GRID2: variants seen among roughly 807,000 people sequenced by gnomAD.
GRID2 encodes glutamate receptor ionotropic, delta-2.
GRID2 carries 33 observed loss-of-function variants against 114.8 expected under a neutral mutation model. That is an observed-to-expected ratio of 0.29 (90% CI 0.22 to 0.38). The LOEUF is 0.38. Ranked by LOEUF, GRID2 falls within the 10% of genes least tolerant of loss-of-function variation. GRID2 has a pLI of 1.00. For synonymous variants in GRID2, 505 were observed against 449.9 expected (o/e 1.12, Z -1.55); for missense variants, 1,184 against 1,257.7 (o/e 0.94, Z 0.89).
chr4:92,584,313 T>A (rs977220510), intron 1 of GRID2, among the ~76,000 whole-genome samples: 2 of 151,998 alleles, frequency 1.3e-5, no homozygotes, highest in African/African-American at 2.4e-5. Flanking sequence ...ATGTTATAAA[T>A]CTCTTGACTT....
chr4:92,892,945 A>T (rs910201023), intron 2 of GRID2, among the ~76,000 whole-genome samples: 1 of 152,248 alleles, frequency 6.6e-6, no homozygotes, highest in African/African-American at 2.4e-5. Flanking sequence ...CATTACAGCA[A>T]ACATGAAATA....
At chr4:92,799,780 G>T (rs529559678) in intron 2 of GRID2, among the ~76,000 whole-genome samples, 2 of 151,992 alleles carry the variant, frequency 1.3e-5, no homozygotes, top group South Asian at 2.1e-4. Context: ...CATTTTAGGG[G>T]TTCACAATCC....
rs144407899 is a variant in GRID2 at position 93,756,965 on chromosome 4, A to G, written c.2361-12245A>G. On this transcript the variant is annotated intron_variant, in intron 14 of 15. Transcript: ENST00000282020. ...ATGCATCAAATATAAATAATAATTC[A>G]GAGTGAAAACAGAGACGTCTCAAGG... 9.5e-3 allele frequency among the ~76,000 whole-genome samples: 1,445 copies of G among 152,320 alleles called. 26 individuals are homozygous for G. Among genetic ancestry groups the G allele is most frequent in the African/African-American group, 0.032 (1,320 of 41,566 alleles).
chr4:92,737,817 T>C (rs1364823184), intron 2 of GRID2, among the ~76,000 whole-genome samples: 1 of 152,164 alleles, frequency 6.6e-6, no homozygotes, highest in Admixed American at 6.6e-5. Context: ...TGCATTTCAA[T>C]ATTTTTGGGG....
intron 1 of GRID2, among the ~76,000 whole-genome samples, chr4:92,360,270 G>A (rs376200591): frequency 1.3e-5 from 2 of 151,904 alleles, no homozygotes; most frequent in East Asian, 3.9e-4. Flanking sequence ...GGAGGTAACT[G>A]TGCCCTACCT....
chr4:93,178,720 C>T (rs780266573), intron 4 of GRID2, among the ~76,000 whole-genome samples: 22 of 151,934 alleles, frequency 1.4e-4, no homozygotes, highest in Non-Finnish European at 7.4e-5. Context: ...AATGTTTTCT[C>T]TTCTGTATGC....
chr4:93,797,798 G>T (rs998290904), intron 1 of GRID2, among the ~76,000 whole-genome samples: 1 of 138,842 alleles, frequency 7.2e-6, no homozygotes, highest in Admixed American at 7.8e-5. Context: ...AGACTTATTC[G>T]AAAGATATTA....
chr4:93,754,394 A>C (rs1414144541), intron 14 of GRID2, among the ~76,000 whole-genome samples: 5 of 152,196 alleles, frequency 3.3e-5, no homozygotes, highest in African/African-American at 9.7e-5. Flanking sequence ...TAAGAGTAAT[A>C]ATATCTACAA....
At chr4:93,091,338 C>T (rs376806930) in intron 3 of GRID2, among the ~76,000 whole-genome samples, 9 of 152,012 alleles carry the variant, frequency 5.9e-5, no homozygotes, top group East Asian at 5.8e-4. Flanking sequence ...AGACTTATTT[C>T]TAAGAATAAA....
At chr4:92,574,327 C>T (rs980664829) in intron 1 of GRID2, among the ~76,000 whole-genome samples, 1 of 150,968 alleles carries the variant, frequency 6.6e-6, no homozygotes, top group African/African-American at 2.4e-5. Context: ...TGTATTTGAT[C>T]CTGTCATCAT....
chr4:92,999,726 C>T (rs1442051300), intron 2 of GRID2, among the ~76,000 whole-genome samples: 2 of 150,550 alleles, frequency 1.3e-5, no homozygotes, highest in East Asian at 2.0e-4. Context: ...TTCTTTTGAC[C>T]GTTATATATT....
chr4:92,785,915 A>T (rs2149361276), intron 2 of GRID2, among the ~76,000 whole-genome samples: 1 of 152,000 alleles, frequency 6.6e-6, no homozygotes, highest in African/African-American at 2.4e-5. Flanking sequence ...TTGTTTTGAA[A>T]ATGACAGGGT....
At chr4:92,801,242 C>A (rs963715087) in intron 2 of GRID2, among the ~76,000 whole-genome samples, 1 of 151,942 alleles carries the variant, frequency 6.6e-6, no homozygotes, top group African/African-American at 2.4e-5. Flanking sequence ...CATCTCTTTG[C>A]CAATCATTTA....
intron 2 of GRID2, among the ~76,000 whole-genome samples, chr4:92,907,318 T>C (rs764769251): frequency 3.9e-5 from 6 of 152,214 alleles, no homozygotes; most frequent in Non-Finnish European, 7.3e-5. Context: ...GCAGCAACTC[T>C]GTAGAGGACA....
chr4:92,662,426 A>T (rs1387758533), intron 2 of GRID2, among the ~76,000 whole-genome samples: 1 of 150,958 alleles, frequency 6.6e-6, no homozygotes, highest in African/African-American at 2.4e-5. Context: ...CAATAAGAAA[A>T]ATTCAGGAAA....
chr4:93,034,344 C>T (rs979036100), intron 2 of GRID2, among the ~76,000 whole-genome samples: 1 of 152,150 alleles, frequency 6.6e-6, no homozygotes, highest in African/African-American at 2.4e-5. Context: ...TGTACATAAA[C>T]CTTGTACGTC....
At chr4:93,748,644 G>A (rs941016453) in intron 14 of GRID2, among the ~76,000 whole-genome samples, 6 of 152,110 alleles carry the variant, frequency 3.9e-5, no homozygotes, top group African/African-American at 7.2e-5. Context: ...CATATCATGC[G>A]TACTCTCCTC....
At chr4:93,291,036 C>T (rs748706731) in intron 8 of GRID2, among the ~76,000 whole-genome samples, 1 of 151,892 alleles carries the variant, frequency 6.6e-6, no homozygotes, top group African/African-American at 2.4e-5. Flanking sequence ...CACCACCAAG[C>T]CCAGCTAATT....
chr4:92,495,150 A>C (rs1247110705), intron 1 of GRID2, among the ~76,000 whole-genome samples: 1 of 152,000 alleles, frequency 6.6e-6, no homozygotes, highest in African/African-American at 2.4e-5. Flanking sequence ...TCCTCACGAG[A>C]GAGTGTCTAG....
Sources: gnomAD v4.1 joint callset for allele counts (sites outside exome capture counted in the v4.1 genomes callset) on GRCh38, gnomAD v4.1.1 for gene constraint, MANE v1.5 for transcripts, NCBI Gene and HGNC (gene_info 2026-07-23, HGNC 2026-07-21) for gene names.